Variants in GRM3 observed in about 807,000 individuals in gnomAD.
The protein encoded by GRM3 is glutamate metabotropic receptor 3.
GRM3 carries 26 observed loss-of-function variants against 70.5 expected under a neutral mutation model. The observed-to-expected ratio is 0.37, with a 90% CI of 0.27 to 0.51. The LOEUF (loss-of-function observed/expected upper bound fraction) is 0.51, where lower values mean the gene tolerates loss of function less well. Ranked by LOEUF, GRM3 falls within the 20% of genes least tolerant of loss-of-function variation. The pLI is 0.93. For missense variants in GRM3, 859 were observed against 1,123.8 expected (o/e 0.76, Z 3.37); for synonymous variants, 443 against 434.9 (o/e 1.02, Z -0.23).
intron 1 of GRM3, among the ~76,000 whole-genome samples, chr7:86,699,376 G>A (rs1794900289): frequency 6.6e-6 from 1 of 151,898 alleles, no homozygotes; most frequent in South Asian, 2.1e-4. Flanking sequence ...TGTTTATTGT[G>A]GTAGTTAAAT....
chr7:86,830,425 A>C (rs1226433011), intron 3 of GRM3, among the ~76,000 whole-genome samples: 1 of 152,240 alleles, frequency 6.6e-6, no homozygotes, highest in Non-Finnish European at 1.5e-5. Context: ...ACGTGAATTC[A>C]AATTTAGTCT....
chr7:86,800,666 A>C (rs1797660636), intron 3 of GRM3, among the ~76,000 whole-genome samples: 1 of 152,212 alleles, frequency 6.6e-6, no homozygotes, highest in South Asian at 2.1e-4. Flanking sequence ...CCACTAAAGA[A>C]AGACTAGAAC....
intron 1 of GRM3, among the ~76,000 whole-genome samples, chr7:86,651,405 T>C (rs1368212097): frequency 1.3e-5 from 2 of 152,194 alleles, no homozygotes; most frequent in Non-Finnish European, 2.9e-5. Context: ...ACAGTTTCAA[T>C]GAACCATGTC....
chr7:86,729,560 A>G (rs1363090235), intron 1 of GRM3, among the ~76,000 whole-genome samples: 4 of 152,220 alleles, frequency 2.6e-5, no homozygotes, highest in Admixed American at 1.3e-4. Flanking sequence ...TTCATTAGCA[A>G]TAAAGGAATT....
chr7:86,801,911 G>T lies in GRM3; in HGVS notation c.1324+14795G>T, dbSNP rs113929057. 1.1e-4 allele frequency among the ~76,000 whole-genome samples: 16 copies of T among 151,946 alleles called. No homozygotes were observed. In the South Asian group the frequency reaches 3.4e-3, roughly 32 times the overall value. ...TTTATAGATTAAATATAAAATGTGT[G>T]TTTTAGTCCCCTTGTATAAAAAATA... On this transcript the variant is annotated intron_variant, in intron 3 of 5. Coordinates refer to ENST00000361669, the MANE Select transcript of GRM3 (RefSeq NM_000840.3).
intron 1 of GRM3, among the ~76,000 whole-genome samples, chr7:86,693,607 T>C (rs1794743828): frequency 6.6e-6 from 1 of 152,198 alleles, no homozygotes; most frequent in Non-Finnish European, 1.5e-5. Context: ...TTAAATTCTA[T>C]GGAGACAACA....
intron 1 of GRM3, among the ~76,000 whole-genome samples, chr7:86,663,981 T>A (rs1793961970): frequency 6.6e-6 from 1 of 151,946 alleles, no homozygotes; most frequent in African/African-American, 2.4e-5. Context: ...GCACAGATAC[T>A]GTGAAAGGAG....
At chr7:86,747,738 G>T (rs963140908) in intron 1 of GRM3, among the ~76,000 whole-genome samples, 3 of 152,100 alleles carry the variant, frequency 2.0e-5, no homozygotes, top group Non-Finnish European at 2.9e-5. Flanking sequence ...CAGAGTAAAT[G>T]TAACTATAAT....
At chr7:86,666,859 T>C (rs1211242078) in intron 1 of GRM3, among the ~76,000 whole-genome samples, 2 of 152,112 alleles carry the variant, frequency 1.3e-5, no homozygotes, top group Non-Finnish European at 2.9e-5. Flanking sequence ...GGATACCTGT[T>C]CCTGGCAAGT....
At chr7:86,862,714 G>A (rs1235093737) in intron 5 of GRM3, among the ~76,000 whole-genome samples, 4 of 152,126 alleles carry the variant, frequency 2.6e-5, no homozygotes, top group African/African-American at 4.8e-5. Context: ...ATGTAAAATT[G>A]AGGGGCTGTA....
chr7:86,727,503 C>T (rs1795619775), intron 1 of GRM3, among the ~76,000 whole-genome samples: 1 of 152,164 alleles, frequency 6.6e-6, no homozygotes, highest in Non-Finnish European at 1.5e-5. Flanking sequence ...TAGTACAGAA[C>T]ATTTGTATTT....
chr7:86,834,755 A>G (rs1405191494), intron 3 of GRM3, among the ~76,000 whole-genome samples: 1 of 152,078 alleles, frequency 6.6e-6, no homozygotes, highest in East Asian at 1.9e-4. Flanking sequence ...AAATTATCTA[A>G]TAACATCAAC....
chr7:86,677,619 T>C (rs1335353577), intron 1 of GRM3, among the ~76,000 whole-genome samples: 1 of 152,066 alleles, frequency 6.6e-6, no homozygotes, highest in Non-Finnish European at 1.5e-5. Context: ...TTCTAAAACT[T>C]ATTAGTTTCA....
intron 1 of GRM3, among the ~76,000 whole-genome samples, chr7:86,692,948 C>T (rs1353134052): frequency 6.6e-6 from 1 of 152,098 alleles, no homozygotes; most frequent in Non-Finnish European, 1.5e-5. Context: ...CACATCAGTT[C>T]AGGACCTACA....
chr7:86,771,867 T>A (rs1384884048), intron 2 of GRM3, among the ~76,000 whole-genome samples: 1 of 152,072 alleles, frequency 6.6e-6, no homozygotes, highest in Non-Finnish European at 1.5e-5. Context: ...GAAAGTTGCT[T>A]TCTCATAGTC....
At chr7:86,788,108 C>G (rs1472088358) in intron 3 of GRM3, among the ~76,000 whole-genome samples, 1 of 152,188 alleles carries the variant, frequency 6.6e-6, no homozygotes, top group Non-Finnish European at 1.5e-5. Flanking sequence ...ACTAATACCT[C>G]TCATGCCACT....
intron 1 of GRM3, among the ~76,000 whole-genome samples, chr7:86,704,033 A>G (rs1312338786): frequency 6.6e-6 from 1 of 151,928 alleles, no homozygotes; most frequent in Non-Finnish European, 1.5e-5. Context: ...GTCTTAAATC[A>G]TCTCTCTACT....
chr7:86,769,616 A>G (rs1268170806), intron 2 of GRM3, among the ~76,000 whole-genome samples: 1 of 152,150 alleles, frequency 6.6e-6, no homozygotes, highest in African/African-American at 2.4e-5. Flanking sequence ...GAGATATGCC[A>G]TGCTGTGTTA....
At chr7:86,734,070 T>C (rs1245809156) in intron 1 of GRM3, among the ~76,000 whole-genome samples, 1 of 152,176 alleles carries the variant, frequency 6.6e-6, no homozygotes, top group Non-Finnish European at 1.5e-5. Flanking sequence ...ACTGTGTTTA[T>C]TTAGGAAAGT....
Sources: gnomAD v4.1 joint callset for allele counts (sites outside exome capture counted in the v4.1 genomes callset) on GRCh38, gnomAD v4.1.1 for gene constraint, MANE v1.5 for transcripts, NCBI Gene and HGNC (gene_info 2026-07-23, HGNC 2026-07-21) for gene names.